TNRC18: variants seen among roughly 807,000 people sequenced by gnomAD.
TNRC18 encodes the protein trinucleotide repeat containing 18.
Under a neutral mutation model 226.7 loss-of-function variants are expected in TNRC18, and 69 were observed. The observed-to-expected ratio is 0.30, with a 90% confidence interval of 0.25 to 0.37. The LOEUF (loss-of-function observed/expected upper bound fraction) is 0.37. Ranked by LOEUF, TNRC18 falls within the 10% of genes least tolerant of loss-of-function variation. The pLI is 1.00. For missense variants in TNRC18, 4,754 were observed against 4,256.6 expected, an observed-to-expected ratio of 1.12 and a Z score of -3.25; for synonymous variants, 2,449 against 1,927.6, an observed-to-expected ratio of 1.27 and a Z score of -7.09.
rs770755002 is a variant in TNRC18, at chr7:5,312,849, G to A, written c.8042C>T (p.Ser2681Leu). 13 of 1,525,106 alleles carry A rather than the reference G, an allele frequency of 8.5e-6. No homozygotes were observed. Among genetic ancestry groups the A allele is most frequent in the South Asian group, 2.6e-5 (2 of 76,958 alleles). The allele number at this position is 1,525,106 out of a possible 1,614,324, so 94.5% of individuals were successfully genotyped here. Reference sequence around the variant, plus strand: ...GGGGGCGGGGGCTGCCTCATCGTCCGAGCTGCAGGAAGAGTCCTCGTCTGT... The same window carrying A: ...GGGGGCGGGGGCTGCCTCATCGTCCAAGCTGCAGGAAGAGTCCTCGTCTGT... ...STTDEDSSCS[S>L]DDEAAPAPTA... Residue 2681 changes from serine (S) to leucine (L), a missense_variant, in exon 27 of 30, where the codon TCG becomes TTG. By Grantham distance (145) the Ser-to-Leu change is moderately radical. Transcript: ENST00000430969. The surrounding 1 kb of genome is among the most constrained non-coding windows in gnomAD (Gnocchi z 6.3).
At chr7:5,355,877 C>G (rs1255960427) in intron 16 of TNRC18, among the ~76,000 whole-genome samples, 2 of 152,020 alleles carry the variant, frequency 1.3e-5, no homozygotes, top group Non-Finnish European at 2.9e-5. Flanking sequence ...GACCCTGTCT[C>G]AAAAAACGCA....
At chr7:5,354,194 A>G (rs1407723944) in intron 16 of TNRC18, among the ~76,000 whole-genome samples, 2 of 151,812 alleles carry the variant, frequency 1.3e-5, no homozygotes, top group Non-Finnish European at 2.9e-5. Context: ...AAACAGCAAA[A>G]CTCCATCTCA....
Position 5,307,795 on chromosome 7 carries a change from C to T in TNRC18, c.*311G>A, listed in dbSNP as rs781581263. On this transcript the variant is annotated 3_prime_UTR_variant, in exon 30 of 30. Coordinates refer to ENST00000430969, the MANE Select transcript of TNRC18 (RefSeq NM_001080495.3). ...CCCACGCAGCAGCAGCCTGGAGGGCCGGCCTGGCCAAGTGCTTGCAACGTG... is the reference window on the plus strand; with the variant it reads ...CCCACGCAGCAGCAGCCTGGAGGGCTGGCCTGGCCAAGTGCTTGCAACGTG... 2.3e-5 allele frequency: 10 copies of T among 430,410 alleles called. No homozygotes were observed. Among genetic ancestry groups the T allele is most frequent in the South Asian group, 8.8e-5 (4 of 45,644 alleles). 26.7% of individuals were successfully genotyped at this position (430,410 alleles called of 1,614,324 possible).
chr7:5,390,463 C>T (rs774664410), intron 4 of TNRC18, 22 bp downstream of exon 4: 43 of 1,613,236 alleles, frequency 2.7e-5, no homozygotes, highest in Non-Finnish European at 3.4e-5. Flanking sequence ...GTGCCACCCC[C>T]AACCCCGGAC....
intron 1 of TNRC18, among the ~76,000 whole-genome samples, chr7:5,421,752 C>T (rs1782599641): frequency 6.6e-6 from 1 of 152,224 alleles, no homozygotes; most frequent in Non-Finnish European, 1.5e-5. Flanking sequence ...CCAGCCCGGA[C>T]TCTGCCTCGG....
chr7:5,347,062 G>T (rs758297434), intron 17 of TNRC18, among the ~76,000 whole-genome samples: 1 of 152,096 alleles, frequency 6.6e-6, no homozygotes, highest in Non-Finnish European at 1.5e-5. Flanking sequence ...AAGCCCCAGG[G>T]CCGGGCAAGG....
At chr7:5,393,862 G>GT in intron 3 of TNRC18, among the ~76,000 whole-genome samples, 1 of 152,148 alleles carries the variant, frequency 6.6e-6, no homozygotes, top group Middle Eastern at 3.4e-3. Context: ...ACAGCCCCAG[G>GT]TCCCCCCGCT....
chr7:5,318,217 C>T (rs1157651763), intron 24 of TNRC18, among the ~76,000 whole-genome samples: 1 of 152,080 alleles, frequency 6.6e-6, no homozygotes, highest in Admixed American at 6.6e-5. Flanking sequence ...CAGGGTCTTG[C>T]TATGTTGCCC....
intron 28 of TNRC18, 27 bp from the exon 29 acceptor site, chr7:5,308,976 G>A: frequency 6.3e-7 from 1 of 1,584,622 alleles, no homozygotes; most frequent in Non-Finnish European, 8.6e-7. Context: ...GGAGGGGCTT[G>A]GGTGAGCCCG....
chr7:5,341,759 T>C (rs1442180878), intron 18 of TNRC18, among the ~76,000 whole-genome samples: 57 of 60,486 alleles, frequency 9.4e-4, no homozygotes, highest in Non-Finnish European at 1.1e-3. Context: ...CGAGACTCCG[T>C]CTCAAAAAAA....
chr7:5,369,512 G>C (rs529946721), intron 11 of TNRC18, among the ~76,000 whole-genome samples: 1 of 152,264 alleles, frequency 6.6e-6, no homozygotes, highest in Admixed American at 6.5e-5. Context: ...CCCCACCCCA[G>C]TGAGGACAGT....
At chr7:5,313,958 T>C (rs1787579055) in intron 26 of TNRC18, 95 bp from the exon 27 acceptor site, 1 of 1,283,912 alleles carries the variant, frequency 7.8e-7, no homozygotes, top group Non-Finnish European at 9.9e-7. Flanking sequence ...GTGAGTTTTG[T>C]TTTTGTTTTT....
intron 16 of TNRC18, among the ~76,000 whole-genome samples, chr7:5,352,633 G>T (rs374265853): frequency 6.6e-6 from 1 of 152,246 alleles, no homozygotes. Flanking sequence ...CGCTGTTACC[G>T]CTAGCAGATC....
chr7:5,327,077 C>T (rs1230256826), intron 19 of TNRC18, among the ~76,000 whole-genome samples: 2 of 152,154 alleles, frequency 1.3e-5, no homozygotes, highest in Admixed American at 6.5e-5. Context: ...GAGCCGACAT[C>T]GTGCCACTGC....
At chr7:5,373,524 G>A (rs1008329446) in intron 10 of TNRC18, among the ~76,000 whole-genome samples, 1 of 152,150 alleles carries the variant, frequency 6.6e-6, no homozygotes, top group Non-Finnish European at 1.5e-5. Context: ...CCCAGCCTTG[G>A]TGCCAGAATC....
chr7:5,371,694 C>T (rs1167548862), intron 10 of TNRC18, among the ~76,000 whole-genome samples: 2 of 152,256 alleles, frequency 1.3e-5, no homozygotes, highest in South Asian at 2.1e-4. Flanking sequence ...CAAAGGCCTA[C>T]AGCTGCCTTT....
At position 5,312,406 on chromosome 7, in the gene TNRC18, G is replaced by A. The variant is rs578199842; in HGVS notation, c.8388+97C>T. 781 of 1,482,602 alleles carry A rather than the reference G, an allele frequency of 5.3e-4. 14 individuals carry two copies. In the South Asian group the frequency reaches 9.8e-3, roughly 19 times the overall value. The allele number at this position is 1,482,602 out of a possible 1,614,324, so 91.8% of individuals were successfully genotyped here. ...GCCCTCCACCCTGGGGTTCTGGGAG[G>A]TTACCACACACGGAGACACAGCATG... On this transcript the variant is annotated intron_variant, in intron 27 of 29. Transcript: ENST00000430969. This position sits in a 1 kb window ranked among gnomAD's most constrained non-coding sequence, Gnocchi z 6.3.
In TNRC18 at chr7:5,332,782, C is replaced by G. The variant is rs888629814; in HGVS notation, c.5987G>C (p.Arg1996Pro). Reference protein sequence around the residue: ...PEASDDDLWTRRRSERIFLHD... With the variant: ...PEASDDDLWTPRRSERIFLHD... ...CAGGAAGATGCGCTCGCTGCGGCGC[C>G]GCGTCCACAGGTCGTCGTCGCTGGC... The change falls in exon 19 of 30, where the codon CGG becomes CCG. Residue 1996 changes from arginine to proline, a missense_variant. Arg to Pro is a moderately radical substitution (Grantham distance 103). Transcript: ENST00000430969. 2.8e-5 allele frequency: 43 copies of G among 1,513,838 alleles called. No homozygotes were observed. In the Admixed American group the frequency reaches 6.9e-4, roughly 24 times the overall value. The allele number at this position is 1,513,838 out of a possible 1,614,324, so 93.8% of individuals were successfully genotyped here.
Position 5,374,154 on chromosome 7 carries a change from C to A in TNRC18, c.3130G>T (p.Gly1044Cys). 9.9e-7 allele frequency: 1 copy of A among 1,009,278 alleles called. No individual in the cohort carries two copies. The highest frequency in any genetic ancestry group is 1.2e-6 in the Non-Finnish European group (1 of 844,050). 62.5% of individuals were successfully genotyped at this position (1,009,278 alleles called of 1,614,324 possible). A position where few individuals can be genotyped will look rare whatever the true frequency, so the allele number is the denominator to read the frequency against. ...GGAGCCTCCTCCTTGCGGGTGATAC[C>A]CGGGGTGGGCGGTGGGGAGGCGGGC... Reference protein sequence around the residue: ...PPPASPPPTPGITRKEEAPEN... With the variant: ...PPPASPPPTPCITRKEEAPEN... Residue 1044 changes from glycine (G) to cysteine (C), a missense_variant, in exon 10 of 30, where the codon GGT becomes TGT. Gly to Cys is a radical substitution (Grantham distance 159, BLOSUM62 -3). Transcript: ENST00000430969.
Sources: allele counts gnomAD v4.1 joint callset (sites outside exome capture counted in the v4.1 genomes callset), GRCh38; gene constraint gnomAD v4.1.1; non-coding constraint Gnocchi (gnomAD v3.1); transcripts MANE v1.5; gene names NCBI Gene and HGNC (gene_info 2026-07-23, HGNC 2026-07-21).